Variants in GFRA1 observed in about 807,000 individuals in gnomAD.
GFRA1 encodes GDNF family receptor alpha 1.
GFRA1 carries 16 observed loss-of-function variants against 51.6 expected under a neutral mutation model. The observed-to-expected ratio is 0.31, with a 90% CI of 0.21 to 0.47. The LOEUF (loss-of-function observed/expected upper bound fraction) is 0.47, where lower values mean the gene tolerates loss of function less well. Among genes scored for constraint, GFRA1 ranks in the 20% least tolerant of loss-of-function variants. The probability of loss-of-function intolerance (pLI) is 1.00; values close to 1 mark genes in which losing one functional copy is unlikely to be tolerated. For synonymous variants in GFRA1, 270 were observed against 241.3 expected (o/e 1.12, Z -1.10); for missense variants, 530 against 594.3 (o/e 0.89, Z 1.13).
At chr10:116,222,277 C>T (rs971750519) in intron 4 of GFRA1, among the ~76,000 whole-genome samples, 1 of 152,180 alleles carries the variant, frequency 6.6e-6, no homozygotes, top group Admixed American at 6.5e-5. Flanking sequence ...CGGCTCACTG[C>T]AACCTCCGTC....
At chr10:116,176,118 G>A (rs1254200563) in intron 5 of GFRA1, among the ~76,000 whole-genome samples, 1 of 152,230 alleles carries the variant, frequency 6.6e-6, no homozygotes, top group East Asian at 1.9e-4. Context: ...TATAGCCCAA[G>A]GATTTTAAAG....
intron 10 of GFRA1, among the ~76,000 whole-genome samples, chr10:116,065,268 G>T (rs1047259504): frequency 6.6e-6 from 1 of 152,210 alleles, no homozygotes; most frequent in Admixed American, 6.5e-5. Flanking sequence ...AGTGAGATTT[G>T]CTATGTATCG....
chr10:116,214,013 A>G (rs756850456), intron 4 of GFRA1, among the ~76,000 whole-genome samples: 9 of 152,196 alleles, frequency 5.9e-5, no homozygotes, highest in Non-Finnish European at 1.3e-4. Context: ...AACCTCAGTA[A>G]TTCATCATTA....
intron 5 of GFRA1, among the ~76,000 whole-genome samples, chr10:116,150,922 C>T (rs1959036890): frequency 6.6e-6 from 1 of 151,908 alleles, no homozygotes; most frequent in Non-Finnish European, 1.5e-5. Flanking sequence ...ATTTTATTTT[C>T]GCATCGAAAA....
intron 9 of GFRA1, among the ~76,000 whole-genome samples, chr10:116,078,385 T>C (rs1021430026): frequency 3.9e-5 from 6 of 152,172 alleles, no homozygotes; most frequent in African/African-American, 7.2e-5. Context: ...CTGCTGGCAC[T>C]TGGAGCCAAG....
intron 9 of GFRA1, among the ~76,000 whole-genome samples, chr10:116,084,321 C>T (rs1814831144): frequency 6.6e-6 from 1 of 152,218 alleles, no homozygotes; most frequent in Admixed American, 6.5e-5. Context: ...TTCTAGAATG[C>T]TGTTTTAAAA....
At chr10:116,244,285 T>C (rs1207962811) in intron 4 of GFRA1, among the ~76,000 whole-genome samples, 1 of 149,632 alleles carries the variant, frequency 6.7e-6, no homozygotes, top group African/African-American at 2.4e-5. Context: ...TAGAAACTTA[T>C]CTCATCAAAA....
At chr10:116,132,541 G>A (rs972027056) in intron 5 of GFRA1, among the ~76,000 whole-genome samples, 1 of 151,988 alleles carries the variant, frequency 6.6e-6, no homozygotes, top group Non-Finnish European at 1.5e-5. Context: ...AATTGCGCAC[G>A]GCACATGGGA....
chr10:116,180,472 CTAAA>C (rs1962102593), intron 5 of GFRA1, among the ~76,000 whole-genome samples: 1 of 152,158 alleles, frequency 6.6e-6, no homozygotes, highest in Non-Finnish European at 1.5e-5. Context: ...TATTCAGTTA[CTAAA>C]TAAAAAGGAT....
In GFRA1 at chr10:116,272,409, C is replaced by T. The variant is rs913541259; in HGVS notation, c.-246-134G>A. 3.6e-5 allele frequency: 13 copies of T among 356,536 alleles called. No individual in the cohort carries two copies. Among genetic ancestry groups the T allele is most frequent in the Non-Finnish European group, 5.8e-5 (11 of 188,408 alleles). The allele number at this position is 356,536 out of a possible 1,614,324, so 22.1% of individuals were successfully genotyped here. A position where few individuals can be genotyped will look rare whatever the true frequency, so the allele number is the denominator to read the frequency against. On this transcript the variant is annotated intron_variant, in intron 1 of 10. Transcript: ENST00000355422. This position sits in a 1 kb window ranked among gnomAD's most constrained non-coding sequence, Gnocchi z 4.4. ...GGTGAGGACCCACCCCCACCCAGGT[C>T]GGGGTGCATGTGCGTGTTTTCCAGG...
At chr10:116,131,560 G>A (rs887483606) in intron 5 of GFRA1, among the ~76,000 whole-genome samples, 3 of 152,068 alleles carry the variant, frequency 2.0e-5, no homozygotes, top group Admixed American at 1.3e-4. Context: ...AGTTATCCAC[G>A]TGGACTGCTA....
chr10:116,110,791 A>G (rs1161013895), intron 6 of GFRA1, among the ~76,000 whole-genome samples: 1 of 152,220 alleles, frequency 6.6e-6, no homozygotes, highest in Non-Finnish European at 1.5e-5. Context: ...ACAGGAACAA[A>G]GAAGGAGAAG....
intron 9 of GFRA1, among the ~76,000 whole-genome samples, chr10:116,076,437 A>G (rs1955621680): frequency 6.6e-6 from 1 of 151,888 alleles, no homozygotes; most frequent in Non-Finnish European, 1.5e-5. Flanking sequence ...ATGAGAAACA[A>G]AAAAAAAGGA....
intron 5 of GFRA1, among the ~76,000 whole-genome samples, chr10:116,127,449 T>G (rs1957925957): frequency 6.6e-6 from 1 of 152,218 alleles, no homozygotes; most frequent in Non-Finnish European, 1.5e-5. Flanking sequence ...TTTATTGTGC[T>G]CTAGGTTCAT....
intron 5 of GFRA1, among the ~76,000 whole-genome samples, chr10:116,198,862 T>C (rs1007764917): frequency 6.6e-6 from 1 of 152,194 alleles, no homozygotes; most frequent in African/African-American, 2.4e-5. Flanking sequence ...AAATAGGGTT[T>C]TTGCCGAGGT....
chr10:116,266,625 G>C (rs1969676930), intron 4 of GFRA1, among the ~76,000 whole-genome samples: 1 of 152,196 alleles, frequency 6.6e-6, no homozygotes, highest in Admixed American at 6.5e-5. Flanking sequence ...AATTCATTAT[G>C]ATTTCTGGGT....
chr10:116,213,237 G>T (rs529589106), intron 4 of GFRA1, among the ~76,000 whole-genome samples: 2 of 152,278 alleles, frequency 1.3e-5, no homozygotes, highest in Non-Finnish European at 1.5e-5. Context: ...TGTTTATACT[G>T]GCAAAACACT....
Position 116,086,713 on chromosome 10 carries a change from G to A in GFRA1, c.1197+3028C>T, listed in dbSNP as rs1280080661. ...TGTGCATATCACAGGGAAGAGAGGT[G>A]TGGCTAGAGCCACTTTTTGTTCCTC... On this transcript the variant is annotated intron_variant, in intron 9 of 10. Transcript: ENST00000355422. Among the ~76,000 whole-genome samples, 3 of 152,344 alleles carry A rather than the reference G, an allele frequency of 2.0e-5. No homozygotes were observed. In the East Asian group the frequency reaches 5.8e-4, roughly 29 times the overall value.
At position 116,057,496 on chromosome 10, in the gene GFRA1, A is replaced by G. The variant is rs566329889; in HGVS notation, c.*6902T>C. ...GGTTAAGAGTGAAAAATGCAACACCATCCAAAAGAGTACAAGAAAAAAACC... is the reference window on the plus strand; with the variant it reads ...GGTTAAGAGTGAAAAATGCAACACCGTCCAAAAGAGTACAAGAAAAAAACC... On this transcript the variant is annotated 3_prime_UTR_variant, in exon 11 of 11. Coordinates refer to ENST00000355422, the MANE Select transcript of GFRA1 (RefSeq NM_005264.8). 6.6e-6 allele frequency: 1 copy of G among 152,322 alleles called. No homozygotes were observed. Among genetic ancestry groups the G allele is most frequent in the East Asian group, 1.9e-4 (1 of 5,180 alleles). The allele number at this position is 152,322 out of a possible 1,614,324, so 9.4% of individuals were successfully genotyped here. A position where few individuals can be genotyped will look rare whatever the true frequency, so the allele number is the denominator to read the frequency against.
Sources: allele counts gnomAD v4.1 joint callset (sites outside exome capture counted in the v4.1 genomes callset), GRCh38; gene constraint gnomAD v4.1.1; non-coding constraint Gnocchi (gnomAD v3.1); transcripts MANE v1.5; gene names NCBI Gene and HGNC (gene_info 2026-07-23, HGNC 2026-07-21).